The following DLC1 variants were observed in gnomAD, a reference collection of about 807,000 sequenced individuals.
DLC1 encodes DLC1 Rho GTPase activating protein, also known as rho GTPase-activating protein 7.
A neutral mutation model predicts 140.3 loss-of-function variants in DLC1; 54 were observed. The ratio of observed to expected loss-of-function variants is 0.38; its 90% confidence interval spans 0.31 to 0.48. The LOEUF (loss-of-function observed/expected upper bound fraction) is 0.48. Among genes scored for constraint, DLC1 ranks in the 20% least tolerant of loss-of-function variants. DLC1 has a pLI of 0.96. For synonymous variants in DLC1, 986 were observed against 728.1 expected, an observed-to-expected ratio of 1.35 and a Z score of -5.70; for missense variants, 2,536 against 1,907.0, an observed-to-expected ratio of 1.33 and a Z score of -6.14.
chr8:13,484,940 T>C (rs961411159), intron 2 of DLC1, among the ~76,000 whole-genome samples: 2 of 152,072 alleles, frequency 1.3e-5, no homozygotes, highest in African/African-American at 2.4e-5. Context: ...TTTGCTTATT[T>C]GCTAATAATT....
intron 1 of DLC1, chr8:13,584,682 C>G (rs1805238433): frequency 6.6e-6 from 1 of 152,174 alleles, no homozygotes; most frequent in Non-Finnish European, 1.5e-5. Flanking sequence ...GGTATATATA[C>G]CATAGCTTAG....
At chr8:13,504,433 A>T (rs1284880373) in intron 1 of DLC1, among the ~76,000 whole-genome samples, 2 of 152,186 alleles carry the variant, frequency 1.3e-5, no homozygotes, top group African/African-American at 4.8e-5. Context: ...CCTTCAGAGA[A>T]CATTAAGAGA....
At chr8:13,087,750 G>A (rs898686011) in intron 16 of DLC1, among the ~76,000 whole-genome samples, 1 of 152,220 alleles carries the variant, frequency 6.6e-6, no homozygotes, top group Non-Finnish European at 1.5e-5. Context: ...CTTCCAATGT[G>A]ACATTTCCAC....
intron 1 of DLC1, among the ~76,000 whole-genome samples, chr8:13,539,483 A>C (rs1297011895): frequency 6.6e-6 from 1 of 152,092 alleles, no homozygotes; most frequent in Non-Finnish European, 1.5e-5. Context: ...TACAGGCGTG[A>C]GCCACTGCAC....
intron 2 of DLC1, among the ~76,000 whole-genome samples, chr8:13,448,136 C>T (rs983821118): frequency 2.0e-5 from 3 of 152,068 alleles, no homozygotes; most frequent in Non-Finnish European, 4.4e-5. Flanking sequence ...TGGGCAACAT[C>T]GGTGATTATG....
At chr8:13,424,749 A>G (rs1001285950) in intron 2 of DLC1, among the ~76,000 whole-genome samples, 1 of 151,762 alleles carries the variant, frequency 6.6e-6, no homozygotes, top group African/African-American at 2.4e-5. Context: ...ATTTTTTTGT[A>G]TTGTTAGTAG....
intron 5 of DLC1, among the ~76,000 whole-genome samples, chr8:13,259,349 T>C (rs893037412): frequency 1.3e-5 from 2 of 151,932 alleles, no homozygotes. Flanking sequence ...GTGATTTGAA[T>C]TTTAATCACT....
At chr8:13,280,950 G>C (rs942319684) in intron 5 of DLC1, among the ~76,000 whole-genome samples, 13 of 152,196 alleles carry the variant, frequency 8.5e-5, no homozygotes, top group Admixed American at 8.5e-4. Flanking sequence ...GTGCATGGCA[G>C]TGCCTATCCC....
chr8:13,439,331 CA>C (rs1454227865), intron 2 of DLC1, among the ~76,000 whole-genome samples: 1 of 151,850 alleles, frequency 6.6e-6, no homozygotes, highest in Admixed American at 6.6e-5. Context: ...GTCAAAAAAA[CA>C]AAAAGAAAAA....
chr8:13,542,051 C>G (rs922117627), intron 1 of DLC1, among the ~76,000 whole-genome samples: 2 of 152,100 alleles, frequency 1.3e-5, no homozygotes, highest in Non-Finnish European at 2.9e-5. Flanking sequence ...TGAGGGGCAA[C>G]TGTTTCTAAT....
At chr8:13,101,900 C>A (rs1019853928) in intron 8 of DLC1, among the ~76,000 whole-genome samples, 4 of 152,150 alleles carry the variant, frequency 2.6e-5, no homozygotes, top group East Asian at 3.9e-4. Context: ...GGGCACAATT[C>A]GGTATGATAC....
intron 4 of DLC1, among the ~76,000 whole-genome samples, chr8:13,332,921 GCC>G (rs1366168760): frequency 1.3e-5 from 2 of 151,970 alleles, no homozygotes; most frequent in East Asian, 3.9e-4. Context: ...GTTCTCGGAT[GCC>G]AAAATCTCCT....
chr8:13,224,532 C>T (rs1828701168), intron 5 of DLC1, among the ~76,000 whole-genome samples: 2 of 152,296 alleles, frequency 1.3e-5, no homozygotes, highest in African/African-American at 2.4e-5. Context: ...CAGGTCTTAA[C>T]GTGTGTATCA....
At chr8:13,439,795 T>A (rs1008565493) in intron 2 of DLC1, among the ~76,000 whole-genome samples, 1 of 152,170 alleles carries the variant, frequency 6.6e-6, no homozygotes, top group African/African-American at 2.4e-5. Flanking sequence ...CTGCCTATAT[T>A]TCCTAAACCT....
chr8:13,143,844 G>GAGAGAGAGAC (rs996680841), intron 5 of DLC1, among the ~76,000 whole-genome samples: 1 of 148,168 alleles, frequency 6.7e-6, no homozygotes, highest in South Asian at 2.1e-4. Flanking sequence ...GAGAGAGAGA[G>GAGAGAGAGAC]AGAGAGAGAC....
intron 5 of DLC1, among the ~76,000 whole-genome samples, chr8:13,210,136 A>T (rs1827869249): frequency 6.6e-6 from 1 of 152,174 alleles, no homozygotes; most frequent in Admixed American, 6.5e-5. Context: ...GGATAGAAAA[A>T]ATTGGAAACT....
chr8:13,395,986 T>A (rs1837023559), intron 3 of DLC1, among the ~76,000 whole-genome samples: 2 of 152,028 alleles, frequency 1.3e-5, no homozygotes, highest in Admixed American at 6.6e-5. Flanking sequence ...TAATCATAAG[T>A]AGCAGGTAAT....
rs548763901 is a variant in DLC1 at position 13,154,371 on chromosome 8, T to C, written c.1349-38714A>G. On this transcript the variant is annotated intron_variant, in intron 5 of 17. Coordinates refer to ENST00000276297, the MANE Select transcript of DLC1 (RefSeq NM_182643.3). ...GGAGGTGGCTGAGGCCCAGTGAGAA[T>C]TGGAGCATGGCGCCTGCGGGCCAGC... Among the ~76,000 whole-genome samples the C allele has an allele frequency of 4.6e-5, 7 of 152,266 alleles. No homozygotes were observed. The East Asian group carries it at 1.2e-3, about 25-fold the overall frequency.
chr8:13,431,907 T>G (rs1838896610), intron 2 of DLC1, among the ~76,000 whole-genome samples: 1 of 152,158 alleles, frequency 6.6e-6, no homozygotes, highest in Non-Finnish European at 1.5e-5. Flanking sequence ...TGCAGTAATT[T>G]ATATAGAAAA....
Sources: allele counts gnomAD v4.1 joint callset (sites outside exome capture counted in the v4.1 genomes callset), GRCh38; gene constraint gnomAD v4.1.1; transcripts MANE v1.5; gene names NCBI Gene and HGNC (gene_info 2026-07-23, HGNC 2026-07-21).